CRLF1: variants seen among roughly 807,000 people sequenced by gnomAD.
CRLF1 encodes cytokine receptor like factor 1.
CRLF1 carries 36 observed loss-of-function variants against 48.9 expected under a neutral mutation model. The ratio of observed to expected loss-of-function variants is 0.74; its 90% CI spans 0.56 to 0.97. The LOEUF (loss-of-function observed/expected upper bound fraction) is 0.97. Ranked by LOEUF, CRLF1 falls within the 50% of genes least tolerant of loss-of-function variation. CRLF1 has a pLI of 0.00. For missense variants in CRLF1, 534 were observed against 575.1 expected, an observed-to-expected ratio of 0.93 and a Z score of 0.73; for synonymous variants, 256 against 253.4, an observed-to-expected ratio of 1.01 and a Z score of -0.10.
At chr19:18,595,854 G>A (rs990539363) in intron 6 of CRLF1, among the ~76,000 whole-genome samples, 1 of 152,334 alleles carries the variant, frequency 6.6e-6, no homozygotes, top group Admixed American at 6.5e-5. Flanking sequence ...CCCCTGCCTT[G>A]ATCAGAAGGA....
At position 18,594,227 on chromosome 19, in the gene CRLF1, C is replaced by T. The variant is rs1172889787; in HGVS notation, c.1212+20G>A. On this transcript the variant is annotated intron_variant, in intron 7 of 8. Coordinates refer to ENST00000392386, the MANE Select transcript of CRLF1 (RefSeq NM_004750.5). ...AGCTCCCTGTCCCCACCCCCACGCCCGAGGGTCCCTCCTTCCTACCTGGTT... is the reference window on the plus strand; with the variant it reads ...AGCTCCCTGTCCCCACCCCCACGCCTGAGGGTCCCTCCTTCCTACCTGGTT... 24 of 1,612,564 alleles carry T rather than the reference C, an allele frequency of 1.5e-5. No individual in the cohort carries two copies. The highest frequency in any genetic ancestry group is 2.0e-5 in the Non-Finnish European group (24 of 1,179,882).
At chr19:18,598,075 T>C (rs1463097268) in intron 4 of CRLF1, among the ~76,000 whole-genome samples, 2 of 152,114 alleles carry the variant, frequency 1.3e-5, no homozygotes, top group African/African-American at 4.8e-5. Flanking sequence ...CCTCCCGCCC[T>C]GCGCCCCCCA....
At chr19:18,605,662 T>C (rs1976282855) in intron 1 of CRLF1, among the ~76,000 whole-genome samples, 1 of 152,110 alleles carries the variant, frequency 6.6e-6, no homozygotes, top group South Asian at 2.1e-4. Context: ...GTGTGATTCT[T>C]TGTGTGTCTC....
At chr19:18,598,056 C>T (rs1976165370) in intron 4 of CRLF1, among the ~76,000 whole-genome samples, 1 of 152,140 alleles carries the variant, frequency 6.6e-6, no homozygotes, top group African/African-American at 2.4e-5. Flanking sequence ...ACAGATCATC[C>T]ATTTCCTGCC....
At chr19:18,597,727 C>T (rs1177482097) in intron 4 of CRLF1, among the ~76,000 whole-genome samples, 1 of 152,126 alleles carries the variant, frequency 6.6e-6, no homozygotes, top group Non-Finnish European at 1.5e-5. Context: ...CCACCGCGCC[C>T]GGCCCTCCCT....
At chr19:18,598,155 C>A (rs1976167469) in intron 4 of CRLF1, among the ~76,000 whole-genome samples, 2 of 152,178 alleles carry the variant, frequency 1.3e-5, no homozygotes, top group South Asian at 4.1e-4. Flanking sequence ...AGGGCCCCCT[C>A]CTGCACACCT....
intron 4 of CRLF1, among the ~76,000 whole-genome samples, chr19:18,597,772 G>T (rs1228625886): frequency 6.6e-6 from 1 of 152,086 alleles, no homozygotes; most frequent in African/African-American, 2.4e-5. Flanking sequence ...GTGACATTTT[G>T]CTGGGTGCAG....
At chr19:18,596,544 AAAAG>A in intron 6 of CRLF1, 74 bp downstream of exon 6, 1 of 1,527,874 alleles carries the variant, frequency 6.5e-7, no homozygotes, top group Admixed American at 2.0e-5. Context: ...AAAAAAAAAG[AAAAG>A]AAAACAAGGA....
intron 8 of CRLF1, 33 bp downstream of exon 8, chr19:18,594,032 T>TGGGGGCCCCCCCCCCCC: frequency 1.4e-6 from 1 of 695,808 alleles, no homozygotes; most frequent in Non-Finnish European, 2.2e-6. Context: ...CTCCCCTTGC[T>TGGGGGCCCCCCCCCCCC]CCCTCCCGCC....
At position 18,599,849 on chromosome 19, in the gene CRLF1, G is replaced by A. The variant is rs1976197677; in HGVS notation, c.116-3C>T. The A allele has an allele frequency of 6.6e-7, 1 of 1,521,126 alleles. No individual in the cohort carries two copies. The highest frequency in any genetic ancestry group is 8.8e-7 in the Non-Finnish European group (1 of 1,132,636). 94.2% of individuals were successfully genotyped at this position (1,521,126 alleles called of 1,614,324 possible). On this transcript the variant is annotated splice_polypyrimidine_tract_variant and splice_region_variant and intron_variant, in intron 1 of 8. Coordinates refer to ENST00000392386, the MANE Select transcript of CRLF1 (RefSeq NM_004750.5). ...CTGGGGACTGATCACAGCTGTGTCT[G>A]GGGTCAAAGAGGAACACGTGTCAGG...
Position 18,597,032 on chromosome 19 carries a change from G to T in CRLF1, c.715C>A (p.Pro239Thr), listed in dbSNP as rs201795161. The stretch of plus-strand genomic sequence containing the variant: ...CCGACGCGGCTCACGTGCACGTCGG[G>T]CGGGGGGTCCGTGGTCACTGCGGGG... ...ILDVVTTDPP[P>T]DVHVSRVGGL... The change falls in exon 5 of 9, where the codon CCC becomes ACC. Residue 239 changes from proline to threonine, a missense_variant. By Grantham distance (38) the Pro-to-Thr change is conservative. Transcript: ENST00000392386. 4.3e-6 allele frequency: 7 copies of T among 1,612,614 alleles called. No homozygotes were observed. The African/African-American group carries it at 8.0e-5, about 18-fold the overall frequency.
chr19:18,598,280 C>A (rs1355692700), intron 4 of CRLF1, 152 bp downstream of exon 4: 2 of 776,014 alleles, frequency 2.6e-6, no homozygotes, highest in African/African-American at 3.5e-5. Context: ...ACCTACCTTC[C>A]CTCTGACCAG....
At chr19:18,598,628 G>A (rs762707769) in intron 3 of CRLF1, 27 bp from the exon 4 acceptor site, 8 of 1,613,744 alleles carry the variant, frequency 5.0e-6, no homozygotes, top group South Asian at 3.3e-5. Flanking sequence ...GCGACAGGAC[G>A]CATGAGGGTT....
intron 8 of CRLF1, 35 bp downstream of exon 8, chr19:18,594,030 G>GCGGGGGGGGGC: frequency 7.6e-7 from 1 of 1,315,312 alleles, no homozygotes; most frequent in Non-Finnish European, 1.1e-6. Flanking sequence ...CCCTCCCCTT[G>GCGGGGGGGGGC]CTCCCTCCCG....
At chr19:18,594,030 G>GCGGGGGGGGCCCCC in intron 8 of CRLF1, 35 bp downstream of exon 8, 4 of 1,315,310 alleles carry the variant, frequency 3.0e-6, no homozygotes, top group South Asian at 1.3e-5. Context: ...CCCTCCCCTT[G>GCGGGGGGGGCCCCC]CTCCCTCCCG....
intron 8 of CRLF1, 36 bp downstream of exon 8, chr19:18,594,029 T>TGGGTGGGGG: frequency 2.9e-6 from 4 of 1,366,630 alleles, no homozygotes; most frequent in Non-Finnish European, 4.1e-6. Flanking sequence ...GCCCTCCCCT[T>TGGGTGGGGG]GCTCCCTCCC....
chr19:18,598,331 TG>T (rs1177462562), intron 4 of CRLF1, 100 bp downstream of exon 4: 2 of 1,353,474 alleles, frequency 1.5e-6, no homozygotes, highest in African/African-American at 2.9e-5. Flanking sequence ...GAGGGGCAGG[TG>T]GGACCCTAGG....
At chr19:18,594,032 T>TGGGGGGGGC in intron 8 of CRLF1, 33 bp downstream of exon 8, 2 of 695,814 alleles carry the variant, frequency 2.9e-6, no homozygotes, top group Non-Finnish European at 4.4e-6. Context: ...CTCCCCTTGC[T>TGGGGGGGGC]CCCTCCCGCC....
intron 4 of CRLF1, 130 bp downstream of exon 4, chr19:18,598,302 C>T (rs972503406): frequency 2.0e-5 from 20 of 984,464 alleles, no homozygotes; most frequent in Middle Eastern, 5.8e-4. Flanking sequence ...AGGGACAACC[C>T]GGGAGTTGCC....
Sources: gnomAD v4.1 joint callset for allele counts (sites outside exome capture counted in the v4.1 genomes callset) on GRCh38, gnomAD v4.1.1 for gene constraint, MANE v1.5 for transcripts, NCBI Gene and HGNC (gene_info 2026-07-23, HGNC 2026-07-21) for gene names.